EPHB1: variants seen among roughly 807,000 people sequenced by gnomAD.
EPHB1 encodes ephrin type-B receptor 1.
Under a neutral mutation model 94.4 loss-of-function variants are expected in EPHB1, and 30 were observed. The ratio of observed to expected loss-of-function variants is 0.32; its 90% CI spans 0.24 to 0.43. The LOEUF (loss-of-function observed/expected upper bound fraction) is 0.43, where lower values mean the gene tolerates loss of function less well. Among genes scored for constraint, EPHB1 ranks in the 20% least tolerant of loss-of-function variants. The pLI, the probability that EPHB1 is intolerant of heterozygous loss-of-function variation, is 1.00. For synonymous variants in EPHB1, 522 were observed against 489.1 expected (o/e 1.07, Z -0.89); for missense variants, 1,055 against 1,308.3 (o/e 0.81, Z 2.99).
intron 3 of EPHB1, among the ~76,000 whole-genome samples, chr3:135,003,614 C>G (rs1302442100): frequency 1.3e-5 from 2 of 152,020 alleles, no homozygotes; most frequent in Non-Finnish European, 2.9e-5. Context: ...GTAGGTCACT[C>G]AGGACTTGCT....
chr3:134,880,081 CT>C (rs1435661598), intron 1 of EPHB1, among the ~76,000 whole-genome samples: 2 of 152,226 alleles, frequency 1.3e-5, no homozygotes, highest in African/African-American at 4.8e-5. Flanking sequence ...GCAACTGCAC[CT>C]TTTGCTCAGA....
At chr3:135,158,282 A>C (rs1941413350) in intron 6 of EPHB1, among the ~76,000 whole-genome samples, 1 of 152,158 alleles carries the variant, frequency 6.6e-6, no homozygotes, top group South Asian at 2.1e-4. Context: ...CTCTTCCCCC[A>C]AGGAAGTCCC....
intron 4 of EPHB1, among the ~76,000 whole-genome samples, chr3:135,106,893 G>T (rs1939239839): frequency 6.6e-6 from 1 of 152,162 alleles, no homozygotes; most frequent in South Asian, 2.1e-4. Flanking sequence ...AGACTGGAGA[G>T]TTCTTTGGAT....
chr3:135,200,063 C>T (rs888608877), intron 11 of EPHB1, among the ~76,000 whole-genome samples: 1 of 152,156 alleles, frequency 6.6e-6, no homozygotes, highest in Non-Finnish European at 1.5e-5. Context: ...TGTCCTGCTT[C>T]CATCTCTCCT....
At chr3:134,889,852 G>A (rs2037939739) in intron 1 of EPHB1, among the ~76,000 whole-genome samples, 1 of 150,700 alleles carries the variant, frequency 6.6e-6, no homozygotes, top group Non-Finnish European at 1.5e-5. Flanking sequence ...TAATTTTTTT[G>A]TATTTTTAGT....
At chr3:134,858,761 CA>C (rs1351333334) in intron 1 of EPHB1, among the ~76,000 whole-genome samples, 2 of 152,230 alleles carry the variant, frequency 1.3e-5, no homozygotes, top group Non-Finnish European at 2.9e-5. Context: ...GAAATGACCA[CA>C]GAGTCAATGA....
rs74483027 is a variant in EPHB1, at chr3:134,958,852, C to T, written c.805+6800C>T. Among the ~76,000 whole-genome samples the T allele has an allele frequency of 0.012, 1,810 of 152,182 alleles. 185 individuals carry two copies. The East Asian group carries it at 0.24, about 20-fold the overall frequency. ...ACTCCAGGATGCTGGGCTCTGGAGGCGGCAGAGGATGGCAAGCGGGAGTTC... is the reference window on the plus strand; with the variant it reads ...ACTCCAGGATGCTGGGCTCTGGAGGTGGCAGAGGATGGCAAGCGGGAGTTC... On this transcript the variant is annotated intron_variant, in intron 3 of 15. Coordinates refer to ENST00000398015, the MANE Select transcript of EPHB1 (RefSeq NM_004441.5).
rs1376073124 is a variant in EPHB1, at chr3:135,026,641, G to T, written c.805+74589G>T. Among the ~76,000 whole-genome samples the T allele has an allele frequency of 3.5e-3, 472 of 135,950 alleles. 4 individuals are homozygous for T. Among genetic ancestry groups the T allele is most frequent in the African/African-American group, 0.012 (436 of 36,114 alleles). 89.2% of individuals were successfully genotyped at this position (135,950 alleles called of 152,430 possible). On this transcript the variant is annotated intron_variant, in intron 3 of 15. Transcript: ENST00000398015. ...GCCTTGTAGTATAGTTTGAAGTCAG[G>T]TAGTGTGATGCCTCCAGCTTTGTTC...
At chr3:135,139,026 C>A (rs536519603) in intron 5 of EPHB1, among the ~76,000 whole-genome samples, 10 of 152,366 alleles carry the variant, frequency 6.6e-5, no homozygotes, top group Middle Eastern at 3.4e-3. Context: ...GAGAGTCACA[C>A]TTTCTCACCT....
At chr3:135,245,054 AG>A (rs1412749254) in intron 13 of EPHB1, among the ~76,000 whole-genome samples, 1 of 152,224 alleles carries the variant, frequency 6.6e-6, no homozygotes, top group East Asian at 1.9e-4. Flanking sequence ...CTGAAAAGTG[AG>A]AAAAGTCCTT....
At chr3:134,872,971 C>T (rs1042580672) in intron 1 of EPHB1, among the ~76,000 whole-genome samples, 2 of 152,058 alleles carry the variant, frequency 1.3e-5, no homozygotes, top group South Asian at 2.1e-4. Context: ...GGGGATGGAC[C>T]GGGGAATATC....
chr3:134,999,941 C>G (rs1398206612), intron 3 of EPHB1, among the ~76,000 whole-genome samples: 1 of 152,234 alleles, frequency 6.6e-6, no homozygotes, highest in African/African-American at 2.4e-5. Context: ...CTCCATACTT[C>G]TGTCTCCAAA....
At chr3:135,236,069 T>A (rs1943645169) in intron 12 of EPHB1, among the ~76,000 whole-genome samples, 1 of 152,202 alleles carries the variant, frequency 6.6e-6, no homozygotes, top group Non-Finnish European at 1.5e-5. Context: ...ATGGCTTCTA[T>A]AACAAAGTAT....
chr3:134,937,912 CTTTTTTTTT>C (rs113610495), intron 2 of EPHB1, among the ~76,000 whole-genome samples: 2 of 122,614 alleles, frequency 1.6e-5, no homozygotes, highest in African/African-American at 3.2e-5. Context: ...TGGTTCCCTC[CTTTTTTTTT>C]TTTTTTTTTT....
chr3:135,053,849 G>C (rs1937266329), intron 3 of EPHB1, among the ~76,000 whole-genome samples: 1 of 152,012 alleles, frequency 6.6e-6, no homozygotes, highest in Admixed American at 6.6e-5. Context: ...AAAAATATCT[G>C]GGTGTGGTGG....
At chr3:134,930,373 A>G (rs1204398415) in intron 2 of EPHB1, among the ~76,000 whole-genome samples, 3 of 152,228 alleles carry the variant, frequency 2.0e-5, no homozygotes, top group Non-Finnish European at 4.4e-5. Context: ...GAAGGCCTTT[A>G]GGTTTAATCT....
intron 3 of EPHB1, among the ~76,000 whole-genome samples, chr3:135,091,891 A>G (rs1208826403): frequency 6.6e-6 from 1 of 152,146 alleles, no homozygotes; most frequent in Admixed American, 6.5e-5. Context: ...GGAAAAAGTG[A>G]GAAACTCTGG....
chr3:134,861,243 T>C (rs1298025029), intron 1 of EPHB1, among the ~76,000 whole-genome samples: 1 of 152,152 alleles, frequency 6.6e-6, no homozygotes, highest in African/African-American at 2.4e-5. Flanking sequence ...AGAAAGAAGA[T>C]AATGCCATTC....
chr3:135,218,267 C>G (rs1943199544), intron 12 of EPHB1, among the ~76,000 whole-genome samples: 2 of 152,288 alleles, frequency 1.3e-5, no homozygotes, highest in African/African-American at 4.8e-5. Context: ...AAATGCCACT[C>G]TATCCCCTTT....
Sources: allele counts gnomAD v4.1 joint callset (sites outside exome capture counted in the v4.1 genomes callset), GRCh38; gene constraint gnomAD v4.1.1; transcripts MANE v1.5; gene names NCBI Gene and HGNC (gene_info 2026-07-23, HGNC 2026-07-21).